The following GYG2 variants were observed in gnomAD, a reference collection of about 807,000 sequenced individuals.
The protein encoded by GYG2 is glycogenin-2.
In GYG2, 29 loss-of-function variants were observed where a neutral mutation model predicts 29.4. That is an observed-to-expected ratio of 0.99 (90% CI 0.74 to 1.35). The LOEUF (loss-of-function observed/expected upper bound fraction) is 1.35, where lower values mean the gene tolerates loss of function less well. GYG2 is among the 40% of genes most tolerant of loss of function. The pLI is 0.00. For missense variants in GYG2, 370 were observed against 385.7 expected (o/e 0.96, Z 0.34); for synonymous variants, 167 against 172.3 (o/e 0.97, Z 0.24).
At position 2,830,141 on chromosome X, in the gene GYG2, G is replaced by A. The variant is rs759099105; in HGVS notation, c.-48G>A. 8.4e-7 allele frequency: 1 copy of A among 1,193,557 alleles called. No individual in the cohort carries two copies. Among genetic ancestry groups the A allele is most frequent in the Non-Finnish European group, 1.1e-6 (1 of 879,251 alleles). The stretch of plus-strand genomic sequence containing the variant: ...GCGAGGAAGTCCACCCACTGCTCCC[G>A]GGCGCAGGTCTGCAGGTCCGCGCCC... On this transcript the variant is annotated 5_prime_UTR_variant, in exon 2 of 11. Transcript: ENST00000398806.
chrX:2,877,342 C>G (rs769957065), intron 10 of GYG2, 35 bp downstream of exon 10: 447 of 1,197,380 alleles, frequency 3.7e-4, no homozygotes, highest in Non-Finnish European at 5.0e-4. Context: ...CCCAAGGCTC[C>G]CGGTGGGGGC....
intron 2 of GYG2, among the ~76,000 whole-genome samples, chrX:2,841,915 G>A (rs2087510572): frequency 1.8e-5 from 2 of 112,117 alleles, no homozygotes. Flanking sequence ...TGGTTTAAAA[G>A]TCATTACCAA....
rs1400479554 is a variant in GYG2, at chrX:2,844,520, A to G, written c.149+1166A>G. Among the ~76,000 whole-genome samples the G allele has an allele frequency of 1.8e-4, 16 of 87,510 alleles. 1 individual carries two copies. The highest frequency in any genetic ancestry group is 6.5e-4 in the African/African-American group (14 of 21,692). The allele number at this position is 87,510 out of a possible 115,157, so 76.0% of individuals were successfully genotyped here. A position where few individuals can be genotyped will look rare whatever the true frequency, so the allele number is the denominator to read the frequency against. On this transcript the variant is annotated intron_variant, in intron 3 of 10. Coordinates refer to ENST00000398806, the MANE Select transcript of GYG2 (RefSeq NM_001079855.2). ...CGTGTGCGTATATATGTGTATACGCACACGCATGCGTATATATGTGTATAC... is the reference window on the plus strand; with the variant it reads ...CGTGTGCGTATATATGTGTATACGCGCACGCATGCGTATATATGTGTATAC...
intron 4 of GYG2, 88 bp from the exon 5 acceptor site, chrX:2,854,905 C>A: frequency 1.9e-6 from 2 of 1,071,308 alleles, no homozygotes; most frequent in Non-Finnish European, 2.5e-6. Context: ...GCACTCCAGC[C>A]TGGGCGACAG....
At position 2,875,822 on chromosome X, in the gene GYG2, C is replaced by T; in HGVS notation, c.1051C>T (p.Pro351Ser). Reference protein sequence around the residue: ...GRRSEDMIACPETETPAVITC... With the variant: ...GRRSEDMIACSETETPAVITC... ...TTCTTTATAACAGATGATAGCTTGTCCTGAAACTGAGACTCCTGCCGTGAT... is the reference window on the plus strand; with the variant it reads ...TTCTTTATAACAGATGATAGCTTGTTCTGAAACTGAGACTCCTGCCGTGAT... Residue 351 changes from proline (P) to serine (S), a missense_variant, in exon 9 of 11, where the codon CCT becomes TCT. Physicochemically the swap from Pro to Ser is moderately conservative, Grantham distance 74 (BLOSUM62 -1). Transcript: ENST00000398806. 8.5e-7 allele frequency: 1 copy of T among 1,183,168 alleles called. No homozygotes were observed. The highest frequency in any genetic ancestry group is 1.1e-6 in the Non-Finnish European group (1 of 870,224).
At position 2,881,061 on chromosome X, in the gene GYG2, G is replaced by T; in HGVS notation, c.1261G>T (p.Ala421Ser). Residue 421 changes from alanine (A) to serine (S), a missense_variant, in exon 11 of 11, where the codon GCC becomes TCC. Coordinates refer to ENST00000398806, the MANE Select transcript of GYG2 (RefSeq NM_001079855.2). Reference sequence around the variant, plus strand: ...TGACTGTCTTCCCTAGGTCGACCTGGCCGTCTCTGTTTCCCAGATCTCCAT... The same window carrying T: ...TGACTGTCTTCCCTAGGTCGACCTGTCCGTCTCTGTTTCCCAGATCTCCAT... ...SLQDALEVDLAVSVSQISIEE... is the reference protein window; with the variant it reads ...SLQDALEVDLSVSVSQISIEE... 4.1e-6 allele frequency: 5 copies of T among 1,209,797 alleles called. No homozygotes were observed. The highest frequency in any genetic ancestry group is 5.6e-6 in the Non-Finnish European group (5 of 894,236).
At chrX:2,878,204 G>A (rs2088642527) in intron 10 of GYG2, 1 of 744,328 alleles carries the variant, frequency 1.3e-6, no homozygotes, top group Non-Finnish European at 1.6e-6. Context: ...TGTGAGGTTG[G>A]GTAAGACCTA....
intron 3 of GYG2, chrX:2,853,587 C>A (rs1461555075): frequency 8.0e-6 from 1 of 125,249 alleles, no homozygotes; most frequent in African/African-American, 3.2e-5. Flanking sequence ...AAAAATATAA[C>A]AATGGCTATC....
rs1370412826 is a variant in GYG2, at chrX:2,837,078, T to C, written c.8-6135T>C. Among the ~76,000 whole-genome samples, 3 of 111,713 alleles carry C rather than the reference T, an allele frequency of 2.7e-5. No homozygotes were observed. In the Admixed American group the frequency reaches 2.8e-4, roughly 11 times the overall value. On this transcript the variant is annotated intron_variant, in intron 2 of 10. Transcript: ENST00000398806. ...AGTAGAATGTGGGATTGGAGGCAAG[T>C]GGACTTCTCCTTACCCCAGAATTCA...
At chrX:2,856,772 CT>C (rs1367475328) in intron 6 of GYG2, 148 bp downstream of exon 6, 7 of 391,410 alleles carry the variant, frequency 1.8e-5, no homozygotes, top group African/African-American at 1.5e-4. Context: ...ATCTATCTAT[CT>C]ATCTATCTAT....
chrX:2,851,073 C>G (rs970484430), intron 3 of GYG2, among the ~76,000 whole-genome samples: 2 of 112,171 alleles, frequency 1.8e-5, no homozygotes, highest in African/African-American at 3.2e-5. Context: ...AAAAGATAGG[C>G]TTTCTGAATG....
At chrX:2,844,005 AATAC>A (rs1358516431) in intron 3 of GYG2, among the ~76,000 whole-genome samples, 1 of 112,254 alleles carries the variant, frequency 8.9e-6, no homozygotes, top group East Asian at 2.8e-4. Context: ...AAATAAAGCA[AATAC>A]ATAAATAAAT....
intron 10 of GYG2, 44 bp downstream of exon 10, chrX:2,877,351 G>T: frequency 8.4e-7 from 1 of 1,196,387 alleles, no homozygotes; most frequent in Non-Finnish European, 1.1e-6. Context: ...CCCGGTGGGG[G>T]CCATCCACCG....
At chrX:2,837,979 A>G in intron 2 of GYG2, among the ~76,000 whole-genome samples, 1 of 109,608 alleles carries the variant, frequency 9.1e-6, no homozygotes, top group South Asian at 4.1e-4. Flanking sequence ...TCTGGGTCAA[A>G]CAATCCTGCC....
At chrX:2,865,605 C>T (rs1159628355) in intron 8 of GYG2, among the ~76,000 whole-genome samples, 2 of 111,305 alleles carry the variant, frequency 1.8e-5, no homozygotes, top group African/African-American at 3.3e-5. Flanking sequence ...GAGGAAAGCT[C>T]ATGGAGAGAA....
intron 2 of GYG2, 58 bp from the exon 3 acceptor site, chrX:2,843,155 C>T (rs1232276116): frequency 2.0e-6 from 2 of 1,019,001 alleles, no homozygotes; most frequent in Admixed American, 4.4e-5. Context: ...GACTATGGCC[C>T]CGTCACCCCT....
chrX:2,861,454 C>A, intron 7 of GYG2, 68 bp from the exon 8 acceptor site: 1 of 888,028 alleles, frequency 1.1e-6, no homozygotes, highest in Non-Finnish European at 1.6e-6. Flanking sequence ...CCCCACCCGC[C>A]CCCCAGGACA....
At chrX:2,861,236 A>G (rs759937812) in intron 7 of GYG2, among the ~76,000 whole-genome samples, 2 of 111,604 alleles carry the variant, frequency 1.8e-5, no homozygotes, top group East Asian at 5.6e-4. Context: ...TCACTTCACA[A>G]ACATTGACTT....
chrX:2,881,215 C>G lies in GYG2; in HGVS notation c.*2C>G, dbSNP rs377320038. On this transcript the variant is annotated 3_prime_UTR_variant, in exon 11 of 11. Transcript: ENST00000398806. ...AAGCTGGACCGGTTCCTGCAGTAATCCGGCAGCTGGTGGGCGTTGTGTGTA... is the reference window on the plus strand; with the variant it reads ...AAGCTGGACCGGTTCCTGCAGTAATGCGGCAGCTGGTGGGCGTTGTGTGTA... 1 of 1,175,576 alleles carries G rather than the reference C, an allele frequency of 8.5e-7. No homozygotes were observed. The highest frequency in any genetic ancestry group is 2.4e-5 in the Admixed American group (1 of 41,586).
Sources: gnomAD v4.1 joint callset for allele counts (sites outside exome capture counted in the v4.1 genomes callset) on GRCh38, gnomAD v4.1.1 for gene constraint, MANE v1.5 for transcripts, NCBI Gene and HGNC (gene_info 2026-07-23, HGNC 2026-07-21) for gene names.